Variants in INTS7 observed in about 807,000 individuals in gnomAD.
INTS7 encodes the protein integrator complex subunit 7.
INTS7 carries 46 observed loss-of-function variants against 109.2 expected under a neutral mutation model. The ratio of observed to expected loss-of-function variants is 0.42; its 90% CI spans 0.33 to 0.54. INTS7 has a LOEUF of 0.54. Ranked by LOEUF, INTS7 falls within the 20% of genes least tolerant of loss-of-function variation. The pLI is 0.07. For missense variants in INTS7, 929 were observed against 1,132.4 expected (o/e 0.82, Z 2.58); for synonymous variants, 412 against 402.9 (o/e 1.02, Z -0.27).
intron 5 of INTS7, among the ~76,000 whole-genome samples, chr1:212,008,245 T>A (rs1666022990): frequency 6.6e-6 from 1 of 152,192 alleles, no homozygotes; most frequent in Admixed American, 6.5e-5. Flanking sequence ...AAGAATGAGA[T>A]CAGAGTATTC....
intron 8 of INTS7, among the ~76,000 whole-genome samples, chr1:211,987,257 A>C (rs1036785976): frequency 7.9e-5 from 12 of 151,992 alleles, no homozygotes; most frequent in Non-Finnish European, 1.5e-4. Flanking sequence ...AGATCCCCCC[A>C]CTGCACTCCA....
chr1:212,002,096 TG>T (rs1282475610), intron 7 of INTS7, among the ~76,000 whole-genome samples: 1 of 152,238 alleles, frequency 6.6e-6, no homozygotes. Flanking sequence ...CCCAGAGTCT[TG>T]CCCATTCCAA....
At chr1:211,992,842 T>C (rs1665204430) in intron 7 of INTS7, among the ~76,000 whole-genome samples, 1 of 152,226 alleles carries the variant, frequency 6.6e-6, no homozygotes, top group South Asian at 2.1e-4. Context: ...ACAAAATTGT[T>C]ACCAGGACCA....
At chr1:212,008,229 A>C (rs1034518022) in intron 5 of INTS7, among the ~76,000 whole-genome samples, 4 of 152,198 alleles carry the variant, frequency 2.6e-5, no homozygotes, top group African/African-American at 9.6e-5. Context: ...GGTTTGCCAG[A>C]GGGAAAAGAA....
Position 211,970,723 on chromosome 1 carries a change from C to T in INTS7, c.1816-2016G>A, listed in dbSNP as rs947467262. On this transcript the variant is annotated intron_variant, in intron 13 of 19. Transcript: ENST00000366994. ...CAAATGTCTAATTGTATTAGTAATC[C>T]GGGAAAAGCCAATCATAAGCTTTAG... Among the ~76,000 whole-genome samples, 8 of 151,980 alleles carry T rather than the reference C, an allele frequency of 5.3e-5. No homozygotes were observed. In the East Asian group the frequency reaches 5.8e-4, roughly 11 times the overall value.
intron 7 of INTS7, among the ~76,000 whole-genome samples, chr1:212,001,715 A>G (rs1324671358): frequency 6.6e-6 from 1 of 152,230 alleles, no homozygotes; most frequent in Non-Finnish European, 1.5e-5. Context: ...TGCCAAACGC[A>G]AAGGTGAACT....
At chr1:211,974,272 A>ATATATATATATATATATAT (rs1553249472) in intron 13 of INTS7, among the ~76,000 whole-genome samples, 27 of 62,286 alleles carry the variant, frequency 4.3e-4, no homozygotes, top group African/African-American at 4.8e-4. Context: ...TCCCAGAAAA[A>ATATATATATATATATATAT]AAAAATATAT....
chr1:212,003,881 A>G (rs2102463586), intron 7 of INTS7, among the ~76,000 whole-genome samples: 1 of 152,360 alleles, frequency 6.6e-6, no homozygotes, highest in East Asian at 1.9e-4. Flanking sequence ...AATAATCAAT[A>G]CAGGAAGAAA....
chr1:212,015,710 T>TAAAAAAAAA (rs58204818), intron 4 of INTS7, among the ~76,000 whole-genome samples: 15 of 34,980 alleles, frequency 4.3e-4, no homozygotes, highest in South Asian at 2.4e-3. Context: ...CAATAAATAC[T>TAAAAAAAAA]AAAAAAAAAA....
At chr1:211,968,930 T>C (rs946371598) in intron 13 of INTS7, among the ~76,000 whole-genome samples, 4 of 152,168 alleles carry the variant, frequency 2.6e-5, no homozygotes, top group Admixed American at 6.5e-5. Flanking sequence ...TATTCAAAGG[T>C]TCCTTACTGC....
chr1:211,958,433 CTT>C (rs1335862676), intron 16 of INTS7, among the ~76,000 whole-genome samples: 1 of 129,808 alleles, frequency 7.7e-6, no homozygotes, highest in African/African-American at 2.6e-5. Context: ...ATAATATCTT[CTT>C]TCTCTTTAAA....
intron 7 of INTS7, among the ~76,000 whole-genome samples, chr1:212,004,507 C>A (rs74639140): frequency 0.026 from 3,976 of 152,102 alleles, 58 homozygotes; most frequent in African/African-American, 0.046. Context: ...TAGACTAGGG[C>A]AAGAGACACA....
chr1:212,029,253 G>C (rs144623342), intron 1 of INTS7, among the ~76,000 whole-genome samples: 1 of 152,316 alleles, frequency 6.6e-6, no homozygotes, highest in East Asian at 1.9e-4. Context: ...ACAATTTTAA[G>C]GCTAAATTTC....
chr1:211,981,258 G>T, intron 9 of INTS7, 68 bp from the exon 10 acceptor site: 2 of 899,576 alleles, frequency 2.2e-6, no homozygotes, highest in Non-Finnish European at 3.6e-6. Flanking sequence ...ACATATACAT[G>T]CATACACACT....
chr1:211,952,492 T>A, intron 17 of INTS7, 77 bp downstream of exon 17: 1 of 1,447,790 alleles, frequency 6.9e-7, no homozygotes, highest in Non-Finnish European at 9.5e-7. Context: ...TTTGTTGAAC[T>A]CACACAGTAA....
chr1:211,947,595 C>T (rs561932159), intron 17 of INTS7, among the ~76,000 whole-genome samples: 290 of 152,092 alleles, frequency 1.9e-3, no homozygotes, highest in African/African-American at 6.5e-3. Context: ...CTTGCAGACC[C>T]GATTCAGCAA....
intron 3 of INTS7, among the ~76,000 whole-genome samples, chr1:212,019,270 T>A (rs1231037592): frequency 6.6e-6 from 1 of 152,104 alleles, no homozygotes; most frequent in African/African-American, 2.4e-5. Flanking sequence ...ATTAATTAAT[T>A]AATTAATTCG....
chr1:211,973,736 A>G (rs1326833349), intron 13 of INTS7, among the ~76,000 whole-genome samples: 2 of 152,216 alleles, frequency 1.3e-5, no homozygotes, highest in Non-Finnish European at 2.9e-5. Context: ...TGAGGATCAT[A>G]CTGCCTTCCC....
intron 7 of INTS7, among the ~76,000 whole-genome samples, chr1:211,993,647 T>G (rs2102447119): frequency 7.4e-6 from 1 of 135,522 alleles, no homozygotes; most frequent in Non-Finnish European, 1.5e-5. Flanking sequence ...ATCACTGCAC[T>G]CCAGCCTGGG....
Sources: gnomAD v4.1 joint callset for allele counts (sites outside exome capture counted in the v4.1 genomes callset) on GRCh38, gnomAD v4.1.1 for gene constraint, MANE v1.5 for transcripts, NCBI Gene and HGNC (gene_info 2026-07-23, HGNC 2026-07-21) for gene names.